The following KNTC1 variants were observed in gnomAD, a reference collection of about 807,000 sequenced individuals.
KNTC1 encodes the protein kinetochore-associated protein 1.
KNTC1 carries 253 observed loss-of-function variants against 314.4 expected under a neutral mutation model. The observed-to-expected ratio is 0.80, with a 90% CI of 0.73 to 0.89. The LOEUF is 0.89. KNTC1 is among the 40% of genes least tolerant of loss of function. The probability of loss-of-function intolerance (pLI) is 0.00; values close to 1 mark genes in which losing one functional copy is unlikely to be tolerated. For synonymous variants in KNTC1, 901 were observed against 901.4 expected, an observed-to-expected ratio of 1.00 and a Z score of 0.01; for missense variants, 2,475 against 2,572.9, an observed-to-expected ratio of 0.96 and a Z score of 0.82.
intron 2 of KNTC1, among the ~76,000 whole-genome samples, chr12:122,533,243 T>G (rs1961520589): frequency 6.6e-6 from 1 of 151,694 alleles, no homozygotes; most frequent in South Asian, 2.1e-4. Flanking sequence ...CTTGGCTCAC[T>G]GCAACCTCTG....
intron 45 of KNTC1, 24 bp downstream of exon 45, chr12:122,601,649 T>TA (rs1483796703): frequency 6.9e-7 from 1 of 1,451,562 alleles, no homozygotes; most frequent in African/African-American, 1.5e-5. Flanking sequence ...ATCAAAGATG[T>TA]AAAAATCATC....
chr12:122,537,712 C>T (rs539995473), intron 3 of KNTC1, among the ~76,000 whole-genome samples: 15 of 152,082 alleles, frequency 9.9e-5, no homozygotes, highest in Admixed American at 2.0e-4. Flanking sequence ...GCCACCACGC[C>T]TGGTCATTTA....
intron 37 of KNTC1, among the ~76,000 whole-genome samples, chr12:122,586,356 ACAGG>A (rs2138014170): frequency 6.6e-6 from 1 of 152,324 alleles, no homozygotes; most frequent in Non-Finnish European, 1.5e-5. Flanking sequence ...TGCAGGGATT[ACAGG>A]CGTGAGCCAC....
intron 30 of KNTC1, 113 bp from the exon 31 acceptor site, chr12:122,577,559 T>C: frequency 9.5e-7 from 1 of 1,051,344 alleles, no homozygotes; most frequent in Non-Finnish European, 1.3e-6. Flanking sequence ...TGAACCATAA[T>C]CTGTTTTTCC....
chr12:122,547,690 G>A (rs565375861), intron 11 of KNTC1, among the ~76,000 whole-genome samples, 160 bp downstream of exon 11: 15 of 152,302 alleles, frequency 9.8e-5, no homozygotes, highest in Middle Eastern at 6.8e-3. Flanking sequence ...GGAACAGTTA[G>A]GCAATATGAA....
chr12:122,585,662 A>C lies in KNTC1; in HGVS notation c.3561A>C (p.Pro1187=). ...CTTCTTTTGGGACACATAAAGATCCATATGAAGAGTGGTCTTACAGTGACT... is the reference window on the plus strand; with the variant it reads ...CTTCTTTTGGGACACATAAAGATCCCTATGAAGAGTGGTCTTACAGTGACT... ...MKASFGTHKD[P]YEEWSYSDFF... The change falls in exon 37 of 64, where the codon CCA becomes CCC. Residue 1187 remains proline (P), a synonymous_variant. Coordinates refer to ENST00000333479, the MANE Select transcript of KNTC1 (RefSeq NM_014708.6). 1 of 1,613,930 alleles carries C rather than the reference A, an allele frequency of 6.2e-7. No individual in the cohort carries two copies. Among genetic ancestry groups the C allele is most frequent in the Non-Finnish European group, 8.5e-7 (1 of 1,179,802 alleles).
intron 2 of KNTC1, among the ~76,000 whole-genome samples, chr12:122,532,213 T>C (rs866483166): frequency 0.04 from 5,812 of 145,466 alleles, 383 homozygotes; most frequent in African/African-American, 0.13. Context: ...TTTCTTTTTT[T>C]TTTTTTTTTT....
chr12:122,551,497 T>A lies in KNTC1; in HGVS notation c.1170T>A (p.Cys390Ter). 1 of 1,598,942 alleles carries A rather than the reference T, an allele frequency of 6.3e-7. No homozygotes were observed. The highest frequency in any genetic ancestry group is 8.5e-7 in the Non-Finnish European group (1 of 1,171,580). Reference sequence around the variant, plus strand: ...CAGTCTCTGTGTTAGTACTCAGATGTCTTACGGAAGCTTTACCAGAAAACA... The same window carrying A: ...CAGTCTCTGTGTTAGTACTCAGATGACTTACGGAAGCTTTACCAGAAAACA... ...EDSVSVLVLRCLTEALPENRL... is the reference protein window; with the variant it reads ...EDSVSVLVLR Residue 390 changes from cysteine (C) to a stop codon, truncating the protein, a stop_gained, in exon 15 of 64, where the codon TGT (cysteine) becomes TGA (stop). Transcript: ENST00000333479. LOFTEE classifies it high-confidence loss of function.
At chr12:122,595,653 G>A (rs932018378) in intron 43 of KNTC1, among the ~76,000 whole-genome samples, 1 of 152,224 alleles carries the variant, frequency 6.6e-6, no homozygotes, top group African/African-American at 2.4e-5. Flanking sequence ...TGACTTAAAA[G>A]AGTAGTTTGA....
chr12:122,538,502 T>C, intron 4 of KNTC1, 48 bp downstream of exon 4: 4 of 1,056,554 alleles, frequency 3.8e-6, no homozygotes, highest in Non-Finnish European at 5.5e-6. Context: ...TTCTAAATAA[T>C]CTCTTAGACA....
chr12:122,614,902 T>A, intron 55 of KNTC1, 89 bp from the exon 56 acceptor site: 1 of 828,062 alleles, frequency 1.2e-6, no homozygotes, highest in Non-Finnish European at 1.9e-6. Flanking sequence ...AAGCAGCATA[T>A]TTTGTATTAA....
chr12:122,534,598 A>G, intron 2 of KNTC1, 66 bp from the exon 3 acceptor site: 7 of 1,425,120 alleles, frequency 4.9e-6, no homozygotes, highest in South Asian at 1.2e-5. Context: ...TGATGATACT[A>G]TTGATAAGTA....
At chr12:122,567,941 C>A (rs1476011751) in intron 20 of KNTC1, among the ~76,000 whole-genome samples, 1 of 152,100 alleles carries the variant, frequency 6.6e-6, no homozygotes, top group Non-Finnish European at 1.5e-5. Context: ...AGCCTGAGCA[C>A]ATAGTGAGAT....
chr12:122,619,314 G>A (rs935131291), intron 59 of KNTC1, among the ~76,000 whole-genome samples: 4 of 151,024 alleles, frequency 2.6e-5, no homozygotes, highest in Non-Finnish European at 5.9e-5. Context: ...ACAGGCATGC[G>A]TCATGCACCA....
At chr12:122,590,011 C>G (rs1869955464) in intron 40 of KNTC1, among the ~76,000 whole-genome samples, 1 of 151,898 alleles carries the variant, frequency 6.6e-6, no homozygotes, top group Admixed American at 6.6e-5. Context: ...TCTTGATATC[C>G]TGACCCTTGT....
intron 34 of KNTC1, 75 bp from the exon 35 acceptor site, chr12:122,584,203 T>A: frequency 1.0e-6 from 1 of 979,056 alleles, no homozygotes; most frequent in South Asian, 1.5e-5. Context: ...GGTGGTGATA[T>A]ATTAATCCAA....
intron 36 of KNTC1, among the ~76,000 whole-genome samples, chr12:122,585,339 G>C (rs1419333977): frequency 6.6e-6 from 1 of 151,998 alleles, no homozygotes; most frequent in Non-Finnish European, 1.5e-5. Context: ...ACTGCACCTG[G>C]GCCGTTTTTT....
intron 4 of KNTC1, 150 bp from the exon 5 acceptor site, chr12:122,539,526 A>T (rs955706941): frequency 2.8e-5 from 16 of 564,850 alleles, no homozygotes; most frequent in Admixed American, 1.4e-4. Flanking sequence ...ACACTTGTCC[A>T]AAATAGTTTT....
At chr12:122,538,232 G>A (rs1462193371) in intron 3 of KNTC1, 107 bp from the exon 4 acceptor site, 5 of 634,654 alleles carry the variant, frequency 7.9e-6, no homozygotes, top group Non-Finnish European at 1.4e-5. Context: ...GTATTTAGAA[G>A]TAACTTAAGT....
Sources: allele counts gnomAD v4.1 joint callset (sites outside exome capture counted in the v4.1 genomes callset), GRCh38; gene constraint gnomAD v4.1.1; transcripts MANE v1.5; gene names NCBI Gene and HGNC (gene_info 2026-07-23, HGNC 2026-07-21).